The following ADGRG6 variants were observed in gnomAD, a reference collection of about 807,000 sequenced individuals.
ADGRG6 encodes the protein adhesion G protein-coupled receptor G6.
A neutral mutation model predicts 142.4 loss-of-function variants in ADGRG6; 84 were observed. That is an observed-to-expected ratio of 0.59 (90% CI 0.49 to 0.71). The LOEUF (loss-of-function observed/expected upper bound fraction) is 0.71, where lower values mean the gene tolerates loss of function less well. ADGRG6 is among the 30% of genes least tolerant of loss of function. ADGRG6 has a pLI of 0.00. For missense variants in ADGRG6, 1,367 were observed against 1,466.6 expected (o/e 0.93, Z 1.11); for synonymous variants, 521 against 520.5 (o/e 1.00, Z -0.01).
chr6:142,309,512 A>G (rs752047196), intron 1 of ADGRG6, 32 bp from the exon 2 acceptor site: 6 of 1,446,748 alleles, frequency 4.1e-6, no homozygotes, highest in Middle Eastern at 1.7e-4. Flanking sequence ...CTGAATGTTG[A>G]ATGTCCTAAT....
chr6:142,431,101 T>C (rs1777185277), intron 22 of ADGRG6, among the ~76,000 whole-genome samples: 1 of 152,138 alleles, frequency 6.6e-6, no homozygotes, highest in Non-Finnish European at 1.5e-5. Context: ...ACAGTTTTTT[T>C]TTTTTAAAGC....
chr6:142,407,077 G>A (rs1200218215), intron 15 of ADGRG6, among the ~76,000 whole-genome samples: 2 of 149,954 alleles, frequency 1.3e-5, no homozygotes, highest in Admixed American at 6.7e-5. Context: ...CCTCGTGCCT[G>A]TAATCCTAGC....
At chr6:142,304,559 ACT>A (rs1210254072) in intron 1 of ADGRG6, among the ~76,000 whole-genome samples, 2 of 152,192 alleles carry the variant, frequency 1.3e-5, no homozygotes, top group African/African-American at 4.8e-5. Flanking sequence ...TGGACACATG[ACT>A]CTGAAGTCTG....
At position 142,427,657 on chromosome 6, in the gene ADGRG6, G is replaced by A. The variant is rs372085414; in HGVS notation, c.3319+7553G>A. Among the ~76,000 whole-genome samples the A allele has an allele frequency of 3.6e-4, 55 of 152,106 alleles. 2 individuals carry two copies. In the South Asian group the frequency reaches 0.011, roughly 30 times the overall value. ...CTGTATTAGTCTGTTTTCACACTAC[G>A]GATAAACACATACCCAAAACTGGGC... is the stretch of plus-strand genomic sequence containing the variant. On this transcript the variant is annotated intron_variant, in intron 22 of 24. Coordinates refer to ENST00000367609, the MANE Select transcript of ADGRG6 (RefSeq NM_198569.3).
intron 2 of ADGRG6, among the ~76,000 whole-genome samples, chr6:142,337,827 T>G (rs913493438): frequency 2.6e-5 from 4 of 151,880 alleles, no homozygotes; most frequent in Admixed American, 1.3e-4. Flanking sequence ...ATTTTATTTC[T>G]CAGTCTATAC....
chr6:142,319,873 TG>T (rs1335012293), intron 2 of ADGRG6, among the ~76,000 whole-genome samples: 2 of 152,264 alleles, frequency 1.3e-5, no homozygotes, highest in Admixed American at 6.6e-5. Context: ...CTCCCATCTG[TG>T]GGAACTAGAG....
At chr6:142,351,614 A>C (rs1307552588) in intron 2 of ADGRG6, among the ~76,000 whole-genome samples, 5 of 152,226 alleles carry the variant, frequency 3.3e-5, no homozygotes, top group African/African-American at 1.2e-4. Context: ...AAGACAACCT[A>C]GGAAATTCCA....
At chr6:142,303,268 C>A (rs1777317127) in intron 1 of ADGRG6, among the ~76,000 whole-genome samples, 1 of 152,152 alleles carries the variant, frequency 6.6e-6, no homozygotes, top group Non-Finnish European at 1.5e-5. Flanking sequence ...CTCCTTCCCC[C>A]AACTCCTGGA....
At chr6:142,401,352 G>A (rs982826297) in intron 11 of ADGRG6, among the ~76,000 whole-genome samples, 1 of 152,162 alleles carries the variant, frequency 6.6e-6, no homozygotes, top group African/African-American at 2.4e-5. Context: ...TCTTCTATAA[G>A]ATGTGAATTA....
intron 1 of ADGRG6, among the ~76,000 whole-genome samples, chr6:142,305,405 GC>G (rs67833729): frequency 0.13 from 15,272 of 113,412 alleles, 1,738 homozygotes; most frequent in East Asian, 0.68. Context: ...CTCCTTTCCT[GC>G]CCCCCCCCAC....
chr6:142,437,596 C>CT (rs926843795), intron 23 of ADGRG6, 61 bp downstream of exon 23: 2 of 837,370 alleles, frequency 2.4e-6, no homozygotes, highest in African/African-American at 3.3e-5. Context: ...GTCATTCAGT[C>CT]TTTCATTGTC....
chr6:142,320,369 C>A lies in ADGRG6; in HGVS notation c.103+10725C>A, dbSNP rs1343320006. 2.0e-5 allele frequency among the ~76,000 whole-genome samples: 3 copies of A among 152,088 alleles called. No homozygotes were observed. In the South Asian group the frequency reaches 6.2e-4, roughly 32 times the overall value. On this transcript the variant is annotated intron_variant, in intron 2 of 24. Transcript: ENST00000367609. Reference sequence around the variant, plus strand: ...TTGATTTAAACTTGAACAGCACACACCAAGCATTAAAGCACTTTTGGATGC... The same window carrying A: ...TTGATTTAAACTTGAACAGCACACAACAAGCATTAAAGCACTTTTGGATGC...
chr6:142,309,531 T>C lies in ADGRG6; in HGVS notation c.3-13T>C, dbSNP rs1433527848. The C allele has an allele frequency of 6.3e-7, 1 of 1,590,778 alleles. No homozygotes were observed. The highest frequency in any genetic ancestry group is 1.3e-5 in the African/African-American group (1 of 74,492). ...ATGTTGAATGTCCTAATTGCCATCT[T>C]CTTTCTTTGCAGGATGTTTCGCTCA... On this transcript the variant is annotated splice_polypyrimidine_tract_variant and intron_variant, in intron 1 of 24. Transcript: ENST00000367609.
chr6:142,305,429 T>TACCCACAC (rs1777443816), intron 1 of ADGRG6, among the ~76,000 whole-genome samples: 1 of 120,794 alleles, frequency 8.3e-6, no homozygotes, highest in African/African-American at 3.5e-5. Context: ...GCCCCTCCTG[T>TACCCACAC]ACACACACAC....
Position 142,325,653 on chromosome 6 carries a change from C to T in ADGRG6, c.103+16009C>T, listed in dbSNP as rs571747212. ...TCTTTAAAATCAAAATACCTGTAAC[C>T]ATAGCTGTATTCAATGAATTATTTA... On this transcript the variant is annotated intron_variant, in intron 2 of 24. Coordinates refer to ENST00000367609, the MANE Select transcript of ADGRG6 (RefSeq NM_198569.3). 3.9e-5 allele frequency among the ~76,000 whole-genome samples: 6 copies of T among 152,100 alleles called. No individual in the cohort carries two copies. The East Asian group carries it at 1.2e-3, about 29-fold the overall frequency.
intron 2 of ADGRG6, among the ~76,000 whole-genome samples, chr6:142,318,615 G>C (rs1778361896): frequency 6.6e-6 from 1 of 150,926 alleles, no homozygotes; most frequent in Non-Finnish European, 1.5e-5. Context: ...AGAGATCTCA[G>C]AAAAATTCTC....
chr6:142,365,867 T>C (rs1310414852), intron 2 of ADGRG6, among the ~76,000 whole-genome samples: 3 of 152,216 alleles, frequency 2.0e-5, no homozygotes, highest in Non-Finnish European at 4.4e-5. Flanking sequence ...GTATTTGTAG[T>C]AACTACCATT....
rs191014889 is a variant in ADGRG6 at position 142,334,343 on chromosome 6, A to G, written c.103+24699A>G. On this transcript the variant is annotated intron_variant, in intron 2 of 24. Transcript: ENST00000367609. ...TACTCCACATTGCCAGATATATTAC[A>G]CTTGTTAACACTAGGGAATCCAGGC... Among the ~76,000 whole-genome samples the G allele has an allele frequency of 1.5e-3, 225 of 152,282 alleles. 1 individual carries two copies. Among genetic ancestry groups the G allele is most frequent in the Non-Finnish European group, 2.7e-3 (187 of 68,020 alleles).
Position 142,438,278 on chromosome 6 carries a change from C to T in ADGRG6, c.3488C>T (p.Ser1163Leu), listed in dbSNP as rs763654162. ...SSDNLGKSLS[S>L]SSIGSNSTYL... ...GATAATCTAGGAAAATCTTTGTCTTCAAGCTCCATTGGTTCCAACTCAACC... is the reference window on the plus strand; with the variant it reads ...GATAATCTAGGAAAATCTTTGTCTTTAAGCTCCATTGGTTCCAACTCAACC... The change falls in exon 24 of 25, where the codon TCA (serine) becomes TTA (leucine). Residue 1163 changes from serine to leucine, a missense_variant. Physicochemically the swap from Ser to Leu is moderately radical, Grantham distance 145 (BLOSUM62 -2). Coordinates refer to ENST00000367609, the MANE Select transcript of ADGRG6 (RefSeq NM_198569.3). 9.4e-6 allele frequency: 15 copies of T among 1,603,720 alleles called. No individual in the cohort carries two copies. Among genetic ancestry groups the T allele is most frequent in the Non-Finnish European group, 1.3e-5 (15 of 1,172,528 alleles).
Sources: allele counts gnomAD v4.1 joint callset (sites outside exome capture counted in the v4.1 genomes callset), GRCh38; gene constraint gnomAD v4.1.1; transcripts MANE v1.5; gene names NCBI Gene and HGNC (gene_info 2026-07-23, HGNC 2026-07-21).